Variants in DDX23 observed in about 807,000 individuals in gnomAD.
DDX23 encodes the protein DEAD-box helicase 23.
Under a neutral mutation model 102.7 loss-of-function variants are expected in DDX23, and 33 were observed. That is an observed-to-expected ratio of 0.32 (90% CI 0.24 to 0.43). The LOEUF (loss-of-function observed/expected upper bound fraction) is 0.43, where lower values mean the gene tolerates loss of function less well. Among genes scored for constraint, DDX23 ranks in the 20% least tolerant of loss-of-function variants. The pLI is 1.00. For synonymous variants in DDX23, 352 were observed against 376.0 expected, an observed-to-expected ratio of 0.94 and a Z score of 0.74; for missense variants, 549 against 1,086.6, an observed-to-expected ratio of 0.51 and a Z score of 6.96.
rs1036655538 is a variant in DDX23 at position 48,832,974 on chromosome 12, C to T, written c.1803+303G>A. 1.3e-5 allele frequency: 6 copies of T among 463,516 alleles called. No homozygotes were observed. Among genetic ancestry groups the T allele is most frequent in the Non-Finnish European group, 2.3e-5 (6 of 257,754 alleles). 28.7% of individuals were successfully genotyped at this position (463,516 alleles called of 1,614,324 possible). The stretch of plus-strand genomic sequence containing the variant: ...GAAAGGCCCAAAAGGAGGTTGGCAA[C>T]CTTGTACAACTTTTCTTTTTTTTTG... On this transcript the variant is annotated intron_variant, in intron 13 of 16. Coordinates refer to ENST00000308025, the MANE Select transcript of DDX23 (RefSeq NM_004818.3). The surrounding 1 kb of genome is among the most constrained non-coding windows in gnomAD (Gnocchi z 4.4).
intron 6 of DDX23, 40 bp from the exon 7 acceptor site, chr12:48,837,697 G>A: frequency 6.2e-7 from 1 of 1,611,316 alleles, no homozygotes; most frequent in Non-Finnish European, 8.5e-7. Context: ...AGAGCTCATG[G>A]AAGAAAAGAG....
Position 48,830,725 on chromosome 12 carries a change from C to A in DDX23, c.2240-33G>T, listed in dbSNP as rs1164571055. 6.4e-7 allele frequency: 1 copy of A among 1,560,494 alleles called. No homozygotes were observed. Among genetic ancestry groups the A allele is most frequent in the South Asian group, 1.2e-5 (1 of 81,370 alleles). On this transcript the variant is annotated intron_variant, in intron 16 of 16. Transcript: ENST00000308025. This position sits in a 1 kb window ranked among gnomAD's most constrained non-coding sequence, Gnocchi z 4.9. The stretch of plus-strand genomic sequence containing the variant: ...ATGGGAAGAACGTCACTCAGCATAG[C>A]CCAGATGCCCTGGGGAGCCGTGTCT...
chr12:48,834,539 T>TC (rs1191839051), intron 11 of DDX23, 42 bp from the exon 12 acceptor site: 1 of 1,585,720 alleles, frequency 6.3e-7, no homozygotes, highest in East Asian at 2.2e-5. Flanking sequence ...GAGCTTTGGT[T>TC]CTTATCCAAC....
intron 3 of DDX23, among the ~76,000 whole-genome samples, chr12:48,840,833 G>A (rs1261555702): frequency 1.3e-5 from 2 of 151,694 alleles, no homozygotes; most frequent in East Asian, 4.0e-4. Flanking sequence ...GATTACAGGT[G>A]TGAGCCACAG....
In DDX23 at chr12:48,837,941, C is replaced by T; in HGVS notation, c.619+1G>A. ...GGGCTACACAGGGTAGAATAACAAA[C>T]CCAACATCTTCCTGCCCAAGTCTTG... On this transcript the variant is annotated splice_donor_variant, in intron 6 of 16. Transcript: ENST00000308025. LOFTEE classifies it high-confidence loss of function. 6.2e-7 allele frequency: 1 copy of T among 1,612,556 alleles called. No individual in the cohort carries two copies. Among genetic ancestry groups the T allele is most frequent in the Non-Finnish European group, 8.5e-7 (1 of 1,180,016 alleles).
chr12:48,843,732 T>G (rs1323346349), intron 3 of DDX23, among the ~76,000 whole-genome samples: 1 of 151,816 alleles, frequency 6.6e-6, no homozygotes, highest in Non-Finnish European at 1.5e-5. Flanking sequence ...GTATATTTAG[T>G]AGAGACGGGG....
intron 2 of DDX23, among the ~76,000 whole-genome samples, 164 bp from the exon 3 acceptor site, chr12:48,844,214 A>C (rs947860581): frequency 4.6e-5 from 7 of 152,186 alleles, no homozygotes; most frequent in African/African-American, 1.7e-4. Flanking sequence ...GCTTTTATAG[A>C]TCAGAGATGT....
At position 48,832,056 on chromosome 12, in the gene DDX23, T is replaced by C; in HGVS notation, c.2064+22A>G. On this transcript the variant is annotated intron_variant, in intron 15 of 16. Transcript: ENST00000308025. This position sits in a 1 kb window ranked among gnomAD's most constrained non-coding sequence, Gnocchi z 4.4. ...AAGCAGTGCCACAGAGGCTAGACTT[T>C]GTTCTCCCCTGCCAGACACACCCCC... The C allele has an allele frequency of 2.5e-6, 4 of 1,610,316 alleles. No homozygotes were observed. Among genetic ancestry groups the C allele is most frequent in the South Asian group, 1.1e-5 (1 of 90,992 alleles).
At chr12:48,839,646 T>A in intron 5 of DDX23, 198 bp downstream of exon 5, 1 of 547,250 alleles carries the variant, frequency 1.8e-6, no homozygotes, top group Non-Finnish European at 3.3e-6. Flanking sequence ...GGGAGGACCA[T>A]GTGAAGAGCT....
intron 2 of DDX23, 72 bp from the exon 3 acceptor site, chr12:48,844,122 G>C (rs549823275): frequency 2.8e-4 from 390 of 1,371,126 alleles, no homozygotes; most frequent in Non-Finnish European, 3.9e-4. Flanking sequence ...CCCTGAGAAA[G>C]TTCCTATACT....
chr12:48,850,341 T>C (rs1324977764), intron 1 of DDX23, among the ~76,000 whole-genome samples: 6 of 152,208 alleles, frequency 3.9e-5, no homozygotes, highest in Non-Finnish European at 5.9e-5. Flanking sequence ...TGTGGTGCCA[T>C]AGCAAACAAA....
chr12:48,839,787 C>T (rs1233256285), intron 5 of DDX23, 57 bp downstream of exon 5: 8 of 1,567,728 alleles, frequency 5.1e-6, no homozygotes, highest in Non-Finnish European at 6.1e-6. Flanking sequence ...GTCACCCAGT[C>T]TGTGGTATTG....
chr12:48,847,948 G>T (rs1023349137), intron 1 of DDX23, among the ~76,000 whole-genome samples: 2 of 152,166 alleles, frequency 1.3e-5, no homozygotes, highest in Non-Finnish European at 2.9e-5. Context: ...CACCTACAAG[G>T]TGCCAGAAAT....
At chr12:48,847,457 G>A (rs916231140) in intron 1 of DDX23, 4 of 151,802 alleles carry the variant, frequency 2.6e-5, no homozygotes, top group Non-Finnish European at 5.9e-5. Context: ...GGAGGTTGCA[G>A]TGAGCCAAGA....
At chr12:48,842,202 C>T (rs1228477839) in intron 3 of DDX23, among the ~76,000 whole-genome samples, 2 of 151,542 alleles carry the variant, frequency 1.3e-5, no homozygotes, top group Admixed American at 1.3e-4. Flanking sequence ...ACCCGGCCAG[C>T]CGCCCCGTCC....
At chr12:48,837,874 A>G in intron 6 of DDX23, 68 bp downstream of exon 6, 1 of 1,605,132 alleles carries the variant, frequency 6.2e-7, no homozygotes, top group Non-Finnish European at 8.5e-7. Context: ...ATCTCTCCTA[A>G]GAGACACTGT....
intron 5 of DDX23, among the ~76,000 whole-genome samples, chr12:48,838,851 TCAAA>T (rs555090708): frequency 3.4e-4 from 52 of 152,134 alleles, no homozygotes; most frequent in South Asian, 1.0e-3. Flanking sequence ...AGACTCCATC[TCAAA>T]CAAACAAACA....
intron 3 of DDX23, among the ~76,000 whole-genome samples, chr12:48,840,399 G>A (rs991687710): frequency 1.3e-5 from 2 of 151,988 alleles, no homozygotes; most frequent in Non-Finnish European, 2.9e-5. Flanking sequence ...GGCCAGGCGC[G>A]GTGTCTCATG....
Position 48,829,767 on chromosome 12 carries a change from A to T in DDX23, c.*702T>A, listed in dbSNP as rs150677223. On this transcript the variant is annotated 3_prime_UTR_variant, in exon 17 of 17. Transcript: ENST00000308025. ...ACTAGAACTAGATCTAACAGTCTTAATATTCATGTATTTATTCTCAGAACA... is the reference window on the plus strand; with the variant it reads ...ACTAGAACTAGATCTAACAGTCTTATTATTCATGTATTTATTCTCAGAACA... 11 of 199,262 alleles carry T rather than the reference A, an allele frequency of 5.5e-5. No homozygotes were observed. The Admixed American group carries it at 5.8e-4, about 11-fold the overall frequency. The allele number at this position is 199,262 out of a possible 1,614,324, so 12.3% of individuals were successfully genotyped here. A position where few individuals can be genotyped will look rare whatever the true frequency, so the allele number is the denominator to read the frequency against.
Sources: allele counts gnomAD v4.1 joint callset (sites outside exome capture counted in the v4.1 genomes callset), GRCh38; gene constraint gnomAD v4.1.1; non-coding constraint Gnocchi (gnomAD v3.1); transcripts MANE v1.5; gene names NCBI Gene and HGNC (gene_info 2026-07-23, HGNC 2026-07-21).